DGKB: variants seen among roughly 807,000 people sequenced by gnomAD.
The protein encoded by DGKB is 90 kDa diacylglycerol kinase.
DGKB carries 67 observed loss-of-function variants against 114.3 expected under a neutral mutation model. That is an observed-to-expected ratio of 0.59 (90% confidence interval 0.48 to 0.72). The LOEUF is 0.72. Among genes scored for constraint, DGKB ranks in the 30% least tolerant of loss-of-function variants. DGKB has a pLI of 0.00. For missense variants in DGKB, 907 were observed against 975.2 expected (o/e 0.93, Z 0.93); for synonymous variants, 398 against 323.1 (o/e 1.23, Z -2.49).
chr7:14,854,156 T>A (rs1207052454), intron 1 of DGKB, among the ~76,000 whole-genome samples: 1 of 152,202 alleles, frequency 6.6e-6, no homozygotes, highest in Non-Finnish European at 1.5e-5. Flanking sequence ...TTTGCCAAGT[T>A]AAACGTATAT....
chr7:14,280,508 A>G lies in DGKB; in HGVS notation c.2122+58007T>C, dbSNP rs866974111. 5.8e-3 allele frequency among the ~76,000 whole-genome samples: 861 copies of G among 149,166 alleles called. 6 individuals carry two copies. The highest frequency in any genetic ancestry group is 7.0e-3 in the Middle Eastern group (2 of 286). On this transcript the variant is annotated intron_variant, in intron 23 of 25. Transcript: ENST00000402815. ...ACATTCAGATTCAGGAAATACAGAG[A>G]ACGCCACAAAGATACTCCTCGAGAA...
At chr7:14,420,720 AC>A (rs1826527832) in intron 21 of DGKB, among the ~76,000 whole-genome samples, 1 of 152,052 alleles carries the variant, frequency 6.6e-6, no homozygotes, top group Non-Finnish European at 1.5e-5. Context: ...TTGAAGTTTC[AC>A]CTATATGTGG....
intron 2 of DGKB, among the ~76,000 whole-genome samples, chr7:14,769,409 C>T (rs903897988): frequency 6.6e-6 from 1 of 151,716 alleles, no homozygotes; most frequent in Admixed American, 6.6e-5. Flanking sequence ...AAGCAGTCTT[C>T]AAAGTGAATT....
intron 13 of DGKB, among the ~76,000 whole-genome samples, chr7:14,641,473 T>A (rs1408747538): frequency 1.4e-5 from 2 of 142,330 alleles, no homozygotes; most frequent in Non-Finnish European, 3.1e-5. Flanking sequence ...TCAAGGCAGT[T>A]AACATTTTAT....
In DGKB at chr7:14,733,677, G is replaced by C. The variant is rs1831237991; in HGVS notation, c.322+2364C>G. ...CACTCAAGCCTGAGACCCTGTGTCA[G>C]AAAGAAAGAAAGAACAAAAGAACGA... On this transcript the variant is annotated intron_variant, in intron 5 of 25. Transcript: ENST00000402815. 2.0e-5 allele frequency among the ~76,000 whole-genome samples: 3 copies of C among 151,200 alleles called. No homozygotes were observed. The South Asian group carries it at 6.3e-4, about 32-fold the overall frequency.
chr7:14,183,933 T>A (rs778405454), intron 23 of DGKB, among the ~76,000 whole-genome samples: 1 of 152,308 alleles, frequency 6.6e-6, no homozygotes. Context: ...GGACTGCTCC[T>A]GCGGAGCCTG....
chr7:14,754,112 C>T (rs1834512715), intron 3 of DGKB, among the ~76,000 whole-genome samples, 164 bp from the exon 4 acceptor site: 1 of 152,098 alleles, frequency 6.6e-6, no homozygotes, highest in South Asian at 2.1e-4. Flanking sequence ...ACAGTGGCAT[C>T]AGCATAAGTT....
At chr7:14,829,128 T>C (rs73680335) in intron 2 of DGKB, among the ~76,000 whole-genome samples, 2,499 of 152,142 alleles carry the variant, frequency 0.016, 71 homozygotes, top group African/African-American at 0.058. Flanking sequence ...ATTTCCAATC[T>C]TTACCTTCAT....
chr7:14,865,058 C>T (rs1307664561), intron 1 of DGKB, among the ~76,000 whole-genome samples: 4 of 148,130 alleles, frequency 2.7e-5, no homozygotes, highest in Non-Finnish European at 5.9e-5. Context: ...AAGGCAATTC[C>T]AGAGTTAAAA....
At position 14,642,763 on chromosome 7, in the gene DGKB, C is replaced by A. The variant is rs6947079; in HGVS notation, c.1135-12495G>T. Among the ~76,000 whole-genome samples, 583 of 152,254 alleles carry A rather than the reference C, an allele frequency of 3.8e-3. 1 individual carries two copies. Among genetic ancestry groups the A allele is most frequent in the African/African-American group, 0.013 (531 of 41,552 alleles). Reference sequence around the variant, plus strand: ...AAACTTACTACATTTTATTTTGCTGCATATGGTATATTACATAAGCTGTTT... The same window carrying A: ...AAACTTACTACATTTTATTTTGCTGAATATGGTATATTACATAAGCTGTTT... On this transcript the variant is annotated intron_variant, in intron 13 of 25. Coordinates refer to ENST00000402815, the MANE Select transcript of DGKB (RefSeq NM_001350709.2).
chr7:14,392,909 T>C (rs886095837), intron 21 of DGKB, among the ~76,000 whole-genome samples: 34 of 151,642 alleles, frequency 2.2e-4, no homozygotes, highest in African/African-American at 8.0e-4. Context: ...TCTACAGAAA[T>C]AGCTCTGTGC....
In DGKB at chr7:14,956,908, C is replaced by T. The variant is rs563698202; in HGVS notation, c.-188+17788G>A. Among the ~76,000 whole-genome samples, 111 of 151,716 alleles carry T rather than the reference C, an allele frequency of 7.3e-4. 1 individual carries two copies. The highest frequency in any genetic ancestry group is 1.4e-3 in the Non-Finnish European group (96 of 67,890). Reference sequence around the variant, plus strand: ...AACATGAAGTTAAACATTCTTGTAGCCTTTCTTCCTGTCTGCTACCTCCCG... The same window carrying T: ...AACATGAAGTTAAACATTCTTGTAGTCTTTCTTCCTGTCTGCTACCTCCCG... On this transcript the variant is annotated intron_variant, in intron 1 of 4. Coordinates refer to the DGKB transcript ENST00000437998.
At position 14,375,707 on chromosome 7, in the gene DGKB, C is replaced by A. The variant is rs1818371654; in HGVS notation, c.1836-30316G>T. 2.6e-5 allele frequency among the ~76,000 whole-genome samples: 4 copies of A among 152,172 alleles called. No individual in the cohort carries two copies. In the South Asian group the frequency reaches 8.3e-4, roughly 32 times the overall value. ...AGATGCCTCACGCTGGCATTTCCTGCTTTGCTTTCTTCGATAGCACTTCCT... is the reference window on the plus strand; with the variant it reads ...AGATGCCTCACGCTGGCATTTCCTGATTTGCTTTCTTCGATAGCACTTCCT... On this transcript the variant is annotated intron_variant, in intron 21 of 25. Coordinates refer to ENST00000402815, the MANE Select transcript of DGKB (RefSeq NM_001350709.2).
chr7:14,382,250 T>C (rs1819597130), intron 21 of DGKB, among the ~76,000 whole-genome samples: 1 of 151,528 alleles, frequency 6.6e-6, no homozygotes, highest in African/African-American at 2.4e-5. Context: ...CCGTAATCAG[T>C]AGAGCCCAGC....
chr7:14,514,787 C>T (rs189336444), intron 20 of DGKB, among the ~76,000 whole-genome samples: 54 of 152,210 alleles, frequency 3.5e-4, no homozygotes, highest in African/African-American at 1.3e-3. Context: ...GGTACAGTGG[C>T]TCACACCTGT....
chr7:14,560,654 T>G (rs995104317), intron 20 of DGKB, among the ~76,000 whole-genome samples: 2 of 152,236 alleles, frequency 1.3e-5, no homozygotes, highest in Non-Finnish European at 2.9e-5. Context: ...TAGCAAAGTG[T>G]GCTGCAATAT....
intron 23 of DGKB, among the ~76,000 whole-genome samples, chr7:14,310,039 C>T (rs1298272327): frequency 6.6e-6 from 1 of 152,134 alleles, no homozygotes; most frequent in Non-Finnish European, 1.5e-5. Context: ...ATTTATGGCT[C>T]ACATTGAGTG....
At chr7:14,292,129 G>C (rs915311625) in intron 23 of DGKB, among the ~76,000 whole-genome samples, 1 of 152,014 alleles carries the variant, frequency 6.6e-6, no homozygotes, top group Non-Finnish European at 1.5e-5. Flanking sequence ...TTTTATTTTT[G>C]GGTTTAAAGA....
intron 13 of DGKB, among the ~76,000 whole-genome samples, chr7:14,636,038 T>A (rs1042896914): frequency 3.3e-5 from 5 of 151,646 alleles, no homozygotes; most frequent in African/African-American, 1.2e-4. Flanking sequence ...AACAAAGAGG[T>A]TATAATGGAA....
Sources: gnomAD v4.1 joint callset for allele counts (sites outside exome capture counted in the v4.1 genomes callset) on GRCh38, gnomAD v4.1.1 for gene constraint, MANE v1.5 for transcripts, NCBI Gene and HGNC (gene_info 2026-07-23, HGNC 2026-07-21) for gene names.